GABRA3: variants seen among roughly 807,000 people sequenced by gnomAD.
GABRA3 encodes gamma-aminobutyric acid type A receptor subunit alpha3.
Under a neutral mutation model 30.1 loss-of-function variants are expected in GABRA3, and 10 were observed. The ratio of observed to expected loss-of-function variants is 0.33; its 90% CI spans 0.20 to 0.56. GABRA3 has a LOEUF of 0.56. Among genes scored for constraint, GABRA3 ranks in the 20% least tolerant of loss-of-function variants. The probability of loss-of-function intolerance (pLI) is 0.89; values close to 1 mark genes in which losing one functional copy is unlikely to be tolerated. For synonymous variants in GABRA3, 151 were observed against 146.8 expected (o/e 1.03, Z -0.21); for missense variants, 233 against 392.0 (o/e 0.59, Z 3.42).
intron 2 of GABRA3, among the ~76,000 whole-genome samples, chrX:152,362,401 A>G (rs963525571): frequency 2.7e-5 from 3 of 111,516 alleles, no homozygotes; most frequent in Non-Finnish European, 5.6e-5. Flanking sequence ...ACATTGCTGA[A>G]CACAGTTTGG....
At chrX:152,258,622 A>G (rs972861099) in intron 4 of GABRA3, among the ~76,000 whole-genome samples, 1 of 112,055 alleles carries the variant, frequency 8.9e-6, no homozygotes, top group African/African-American at 3.2e-5. Context: ...CAGCCAGTAC[A>G]TAATGAATTT....
intron 6 of GABRA3, among the ~76,000 whole-genome samples, chrX:152,219,832 C>A (rs1937797690): frequency 9.0e-6 from 1 of 110,941 alleles, no homozygotes; most frequent in Admixed American, 9.6e-5. Flanking sequence ...ATGCATAAAG[C>A]ACTATATACT....
intron 3 of GABRA3, among the ~76,000 whole-genome samples, chrX:152,320,064 T>TAAA (rs372945681): frequency 1.9e-5 from 2 of 107,705 alleles, no homozygotes; most frequent in African/African-American, 6.8e-5. Context: ...ATCAAAAACA[T>TAAA]AAAAAAAAAG....
chrX:152,231,682 A>G (rs1414476864), intron 5 of GABRA3, among the ~76,000 whole-genome samples: 4 of 111,558 alleles, frequency 3.6e-5, no homozygotes, highest in Non-Finnish European at 7.6e-5. Context: ...ATTCACTAAC[A>G]AAGATAAATG....
chrX:152,424,735 C>T (rs1052351596), intron 1 of GABRA3, among the ~76,000 whole-genome samples: 6 of 109,910 alleles, frequency 5.5e-5, no homozygotes, highest in Non-Finnish European at 9.5e-5. Context: ...CTATAATATG[C>T]TTTTGGTGTG....
At chrX:152,400,691 T>C in intron 1 of GABRA3, among the ~76,000 whole-genome samples, 1 of 111,153 alleles carries the variant, frequency 9.0e-6, no homozygotes, top group African/African-American at 3.3e-5. Context: ...ATAGATATAG[T>C]ATCCTGGATT....
At chrX:152,360,750 A>T (rs1569407750) in intron 2 of GABRA3, among the ~76,000 whole-genome samples, 29 of 75,791 alleles carry the variant, frequency 3.8e-4, no homozygotes, top group African/African-American at 1.7e-3. Flanking sequence ...AAAAAAAAAA[A>T]TAAATTAAAA....
In GABRA3 at chrX:152,173,538, C is replaced by T. The variant is rs962905420; in HGVS notation, c.1144-4975G>A. 1.9e-3 allele frequency among the ~76,000 whole-genome samples: 211 copies of T among 111,073 alleles called. 1 individual carries two copies. Among genetic ancestry groups the T allele is most frequent in the Non-Finnish European group, 1.2e-3 (65 of 52,941 alleles). ...CTCGGCTCACTGCAATCTCTGCCTC[C>T]CGGGTTCAAGCAATTCTCTTGCCTC... On this transcript the variant is annotated intron_variant, in intron 9 of 9. Transcript: ENST00000370314.
At chrX:152,192,225 T>TAC (rs752061388) in intron 8 of GABRA3, among the ~76,000 whole-genome samples, 56 of 112,155 alleles carry the variant, frequency 5.0e-4, no homozygotes, top group African/African-American at 1.8e-3. Flanking sequence ...AAGCCTTTGG[T>TAC]ACGCTTCATG....
At chrX:152,443,807 T>C (rs1930997303) in intron 1 of GABRA3, among the ~76,000 whole-genome samples, 1 of 111,784 alleles carries the variant, frequency 8.9e-6, no homozygotes, top group Non-Finnish European at 1.9e-5. Context: ...GAAGCAAAAA[T>C]AATTTAAACG....
At chrX:152,417,972 A>C (rs1019191546) in intron 1 of GABRA3, among the ~76,000 whole-genome samples, 1 of 105,688 alleles carries the variant, frequency 9.5e-6, no homozygotes, top group Non-Finnish European at 1.9e-5. Context: ...ACATGTATAC[A>C]TATGTAACTA....
At chrX:152,213,829 G>A (rs1569357633) in intron 6 of GABRA3, among the ~76,000 whole-genome samples, 1 of 111,999 alleles carries the variant, frequency 8.9e-6, no homozygotes, top group Non-Finnish European at 1.9e-5. Context: ...ACCATATGTT[G>A]AAGAGACTGT....
In GABRA3 at chrX:152,168,344, C is replaced by T; in HGVS notation, c.1363G>A (p.Val455Ile). The T allele has an allele frequency of 8.3e-7, 1 of 1,211,781 alleles. No individual in the cohort carries two copies. The highest frequency in any genetic ancestry group is 1.1e-6 in the Non-Finnish European group (1 of 895,449). ...ETKTYNSVSK[V>I]DKISRIIFPV... Reference sequence around the variant, plus strand: ...AAGATGATGCGGGAAATTTTGTCAACCTTGCTGACACTGTTGTAGGTCTTG... The same window carrying T: ...AAGATGATGCGGGAAATTTTGTCAATCTTGCTGACACTGTTGTAGGTCTTG... The change falls in exon 10 of 10, where the codon GTT (valine) becomes ATT (isoleucine). Residue 455 changes from valine (V) to isoleucine (I), a missense_variant. Coordinates refer to ENST00000370314, the MANE Select transcript of GABRA3 (RefSeq NM_000808.4).
chrX:152,225,903 A>G (rs909834158), intron 5 of GABRA3, among the ~76,000 whole-genome samples: 33 of 110,403 alleles, frequency 3.0e-4, no homozygotes, highest in African/African-American at 1.0e-3. Flanking sequence ...TTATAGCGTC[A>G]CCCATTCCCC....
intron 3 of GABRA3, among the ~76,000 whole-genome samples, chrX:152,339,143 TAATA>T (rs777925943): frequency 9.0e-6 from 1 of 111,368 alleles, no homozygotes; most frequent in African/African-American, 3.3e-5. Context: ...TTAACAATAT[TAATA>T]AATAAACTCA....
chrX:152,440,873 G>A (rs971340255), intron 1 of GABRA3, among the ~76,000 whole-genome samples: 5 of 110,749 alleles, frequency 4.5e-5, no homozygotes, highest in Admixed American at 9.6e-5. Flanking sequence ...GGGGGTGGGA[G>A]GCTAGGGGAG....
intron 1 of GABRA3, among the ~76,000 whole-genome samples, chrX:152,416,838 C>G (rs1930236802): frequency 9.3e-6 from 1 of 107,248 alleles, no homozygotes; most frequent in South Asian, 4.2e-4. Context: ...AAAGCTGAAA[C>G]TGGATCCCTT....
chrX:152,418,060 A>C (rs1349494252), intron 1 of GABRA3, among the ~76,000 whole-genome samples: 1 of 111,197 alleles, frequency 9.0e-6, no homozygotes, highest in African/African-American at 3.3e-5. Context: ...AAAAATGAAA[A>C]AATAGATATT....
At chrX:152,426,933 A>C (rs958996582) in intron 1 of GABRA3, among the ~76,000 whole-genome samples, 19 of 112,173 alleles carry the variant, frequency 1.7e-4, no homozygotes, top group Middle Eastern at 4.6e-3. Context: ...GAAATATTAA[A>C]ATATGGGAAG....
Sources: allele counts gnomAD v4.1 joint callset (sites outside exome capture counted in the v4.1 genomes callset), GRCh38; gene constraint gnomAD v4.1.1; transcripts MANE v1.5; gene names NCBI Gene and HGNC (gene_info 2026-07-23, HGNC 2026-07-21).